CEP78: variants seen among roughly 807,000 people sequenced by gnomAD.
CEP78 encodes the protein centrosomal protein of 78 kDa.
CEP78 carries 76 observed loss-of-function variants against 81.2 expected under a neutral mutation model. The observed-to-expected ratio is 0.94, with a 90% CI of 0.78 to 1.13. The LOEUF (loss-of-function observed/expected upper bound fraction) is 1.13, where lower values mean the gene tolerates loss of function less well. CEP78 is among the 50% of genes most tolerant of loss of function. The pLI is 0.00. For missense variants in CEP78, 918 were observed against 846.8 expected, an observed-to-expected ratio of 1.08 and a Z score of -1.04; for synonymous variants, 293 against 301.4, an observed-to-expected ratio of 0.97 and a Z score of 0.29.
intron 5 of CEP78, 112 bp downstream of exon 5, chr9:78,243,748 C>A (rs1826344817): frequency 5.6e-6 from 4 of 708,734 alleles, no homozygotes; most frequent in Non-Finnish European, 8.5e-6. Flanking sequence ...CCTCTTTTTT[C>A]TAATAGGTTT....
chr9:78,254,704 T>G, intron 10 of CEP78, 132 bp from the exon 11 acceptor site: 1 of 549,996 alleles, frequency 1.8e-6, no homozygotes, highest in Non-Finnish European at 3.1e-6. Flanking sequence ...ATTGATTGTG[T>G]TAGACTAAGG....
chr9:78,253,440 G>A (rs1438730571), intron 10 of CEP78, 163 bp downstream of exon 10: 4 of 564,636 alleles, frequency 7.1e-6, no homozygotes, highest in Admixed American at 3.0e-5. Context: ...CAGTATAGGC[G>A]TGTGGATATG....
intron 5 of CEP78, 84 bp from the exon 6 acceptor site, chr9:78,246,585 G>A: frequency 2.5e-6 from 2 of 785,766 alleles, no homozygotes; most frequent in Non-Finnish European, 4.1e-6. Flanking sequence ...GGGTGACAGA[G>A]TGAGACTCCG....
intron 11 of CEP78, among the ~76,000 whole-genome samples, chr9:78,255,716 G>C (rs1395736935): frequency 6.6e-6 from 1 of 152,118 alleles, no homozygotes; most frequent in Non-Finnish European, 1.5e-5. Flanking sequence ...TAGAATATTA[G>C]AGGGAAAAAT....
chr9:78,255,237 A>T (rs927822231), intron 11 of CEP78, among the ~76,000 whole-genome samples: 4 of 152,192 alleles, frequency 2.6e-5, no homozygotes, highest in Non-Finnish European at 5.9e-5. Flanking sequence ...GAAGGCCTTA[A>T]TAATCATAAG....
At chr9:78,241,674 G>A in intron 3 of CEP78, 22 bp from the exon 4 acceptor site, 2 of 1,158,552 alleles carry the variant, frequency 1.7e-6, no homozygotes, top group Non-Finnish European at 2.6e-6. Context: ...CTTATTGTAT[G>A]TGGTTTTTTT....
chr9:78,242,687 T>C (rs1428358145), intron 4 of CEP78, among the ~76,000 whole-genome samples: 1 of 152,238 alleles, frequency 6.6e-6, no homozygotes, highest in Non-Finnish European at 1.5e-5. Context: ...TCATAGGAGC[T>C]TTGAATCTTT....
chr9:78,256,190 C>T (rs1827015604), intron 11 of CEP78, among the ~76,000 whole-genome samples: 1 of 152,184 alleles, frequency 6.6e-6, no homozygotes, highest in Non-Finnish European at 1.5e-5. Flanking sequence ...GGGAAGCCTA[C>T]AGCTCAGAGG....
rs1827777652 is a variant in CEP78, at chr9:78,275,264, TAAAC to T, written c.*4414_*4417del. On this transcript the variant is annotated 3_prime_UTR_variant, in exon 17 of 17. Coordinates refer to ENST00000643273, the MANE Select transcript of CEP78 (RefSeq NM_001330691.3). ...ATTGATAAAAAATAGAAAATGTAAA[TAAAC>T]GAAACATCTTAGGAGAAATTGAAAA... 1 of 151,988 alleles carries T rather than the reference TAAAC, an allele frequency of 6.6e-6. No individual in the cohort carries two copies. The highest frequency in any genetic ancestry group is 2.4e-5 in the African/African-American group (1 of 41,366). The allele number at this position is 151,988 out of a possible 1,614,324, so 9.4% of individuals were successfully genotyped here.
chr9:78,253,319 G>C, intron 10 of CEP78, 42 bp downstream of exon 10: 1 of 877,914 alleles, frequency 1.1e-6, no homozygotes, highest in East Asian at 2.6e-5. Context: ...GGATTGGAAT[G>C]GGAAGGGTGG....
chr9:78,265,300 TG>T (rs1827466411), intron 13 of CEP78, 71 bp from the exon 14 acceptor site: 1 of 1,207,570 alleles, frequency 8.3e-7, no homozygotes, highest in Non-Finnish European at 1.1e-6. Flanking sequence ...ATTGTAGGTT[TG>T]GGGAAATGTA....
At chr9:78,241,010 A>C (rs1411768600) in intron 3 of CEP78, among the ~76,000 whole-genome samples, 2 of 152,194 alleles carry the variant, frequency 1.3e-5, no homozygotes, top group African/African-American at 4.8e-5. Context: ...ACATATATAC[A>C]ATCAATTTTA....
At chr9:78,252,097 T>G in intron 9 of CEP78, 54 bp downstream of exon 9, 1 of 1,457,420 alleles carries the variant, frequency 6.9e-7, no homozygotes, top group African/African-American at 1.4e-5. Context: ...TCAAAATTCT[T>G]TATTTTGGAG....
At chr9:78,266,842 C>G in intron 16 of CEP78, 139 bp downstream of exon 16, 1 of 1,452,540 alleles carries the variant, frequency 6.9e-7, no homozygotes, top group Non-Finnish European at 9.0e-7. Context: ...AAAAGTAGGT[C>G]TTTGAAAAAA....
Position 78,251,931 on chromosome 9 carries a change from A to C in CEP78, c.1093A>C (p.Ser365Arg), listed in dbSNP as rs753100079. The C allele has an allele frequency of 6.2e-7, 1 of 1,608,224 alleles. No homozygotes were observed. Among genetic ancestry groups the C allele is most frequent in the Non-Finnish European group, 8.5e-7 (1 of 1,175,998 alleles). ...AGGATTGGCTACAAAGAAACCTGTA[A>C]GTAGTGGCAGAAAACACTCCCTTGG... ...RIGLATKKPV[S>R]SGRKHSLGKE... The change falls in exon 9 of 17, where the codon AGT becomes CGT. Residue 365 changes from serine (S) to arginine (R), a missense_variant. Physicochemically the swap from Ser to Arg is moderately radical, Grantham distance 110. Transcript: ENST00000643273.
In CEP78 at chr9:78,273,733, G is replaced by T. The variant is rs1390146853; in HGVS notation, c.*2882G>T. On this transcript the variant is annotated 3_prime_UTR_variant, in exon 17 of 17. Coordinates refer to ENST00000643273, the MANE Select transcript of CEP78 (RefSeq NM_001330691.3). ...CTGCACTCCAGCCTGGGCCATAGAGGAGACTCCGTCTCAAACAAACAAAAA... is the reference window on the plus strand; with the variant it reads ...CTGCACTCCAGCCTGGGCCATAGAGTAGACTCCGTCTCAAACAAACAAAAA... 6.6e-6 allele frequency: 1 copy of T among 152,218 alleles called. No individual in the cohort carries two copies. The highest frequency in any genetic ancestry group is 2.4e-5 in the African/African-American group (1 of 41,460). 9.4% of individuals were successfully genotyped at this position (152,218 alleles called of 1,614,324 possible). A position where few individuals can be genotyped will look rare whatever the true frequency, so the allele number is the denominator to read the frequency against.
At position 78,251,996 on chromosome 9, in the gene CEP78, G is replaced by C; in HGVS notation, c.1158G>C (p.Val386=). 1 of 1,606,344 alleles carries C rather than the reference G, an allele frequency of 6.2e-7. No homozygotes were observed. ...YYAPAPLPPG[V]SGFLPWRTAE... ...CGCCCGCACCTCTTCCACCTGGTGT[G>C]TCTGGTTTCTTGCCGTGGCGTACTG... The change falls in exon 9 of 17, where the codon GTG becomes GTC. Residue 386 remains valine (V), a synonymous_variant. Coordinates refer to ENST00000643273, the MANE Select transcript of CEP78 (RefSeq NM_001330691.3).
chr9:78,248,665 T>G, intron 7 of CEP78, 97 bp from the exon 8 acceptor site: 1 of 707,532 alleles, frequency 1.4e-6, no homozygotes, highest in Non-Finnish European at 2.4e-6. Flanking sequence ...ATTGCAAACC[T>G]TTTATTAACA....
At chr9:78,249,496 C>T (rs569738081) in intron 8 of CEP78, 1 of 152,082 alleles carries the variant, frequency 6.6e-6, no homozygotes, top group Admixed American at 6.5e-5. Context: ...ATTTAATCTG[C>T]CAAATAATAG....
Sources: gnomAD v4.1 joint callset for allele counts (sites outside exome capture counted in the v4.1 genomes callset) on GRCh38, gnomAD v4.1.1 for gene constraint, MANE v1.5 for transcripts, NCBI Gene and HGNC (gene_info 2026-07-23, HGNC 2026-07-21) for gene names.